CDH18: variants seen among roughly 807,000 people sequenced by gnomAD.
The protein encoded by CDH18 is cadherin 18.
A neutral mutation model predicts 67.9 loss-of-function variants in CDH18; 31 were observed. The observed-to-expected ratio is 0.46, with a 90% CI of 0.34 to 0.62. The LOEUF (loss-of-function observed/expected upper bound fraction) is 0.62, where lower values mean the gene tolerates loss of function less well. Among genes scored for constraint, CDH18 ranks in the 20% least tolerant of loss-of-function variants. The pLI, the probability that CDH18 is intolerant of heterozygous loss-of-function variation, is 0.01. For missense variants in CDH18, 890 were observed against 975.5 expected, an observed-to-expected ratio of 0.91 and a Z score of 1.17; for synonymous variants, 362 against 347.2, an observed-to-expected ratio of 1.04 and a Z score of -0.48.
intron 1 of CDH18, among the ~76,000 whole-genome samples, chr5:20,405,313 C>G (rs1003822275): frequency 2.6e-5 from 4 of 152,092 alleles, no homozygotes; most frequent in African/African-American, 7.2e-5. Flanking sequence ...CTTTGACAAA[C>G]CTGACAAAAA....
chr5:20,457,847 T>A (rs1750952812), intron 1 of CDH18, among the ~76,000 whole-genome samples: 1 of 152,088 alleles, frequency 6.6e-6, no homozygotes. Flanking sequence ...CATTACCTAG[T>A]ACAGTGGCAG....
chr5:20,020,771 T>C (rs1738345018), intron 2 of CDH18, among the ~76,000 whole-genome samples: 1 of 152,116 alleles, frequency 6.6e-6, no homozygotes, highest in African/African-American at 2.4e-5. Flanking sequence ...GGAGAATCTC[T>C]ACTAGGGCTG....
intron 5 of CDH18, among the ~76,000 whole-genome samples, chr5:19,654,817 T>C (rs1756103313): frequency 6.6e-6 from 1 of 152,064 alleles, no homozygotes; most frequent in Non-Finnish European, 1.5e-5. Context: ...GGAAAGGAGA[T>C]GGACTAGGAA....
At chr5:20,044,042 C>T (rs912039716) in intron 2 of CDH18, among the ~76,000 whole-genome samples, 1 of 152,132 alleles carries the variant, frequency 6.6e-6, no homozygotes, top group Non-Finnish European at 1.5e-5. Flanking sequence ...CAAACAGACT[C>T]ATTTCCTGTA....
chr5:19,917,743 G>A (rs1472094698), intron 2 of CDH18, among the ~76,000 whole-genome samples: 1 of 152,148 alleles, frequency 6.6e-6, no homozygotes, highest in Non-Finnish European at 1.5e-5. Context: ...ATTATTTATT[G>A]TCACACTTCC....
chr5:20,106,490 CT>C (rs1746947439), intron 2 of CDH18, among the ~76,000 whole-genome samples: 1 of 152,118 alleles, frequency 6.6e-6, no homozygotes, highest in Non-Finnish European at 1.5e-5. Flanking sequence ...CAAATGACAC[CT>C]TAAAATTTTC....
At chr5:20,345,467 T>C (rs1338823815) in intron 1 of CDH18, among the ~76,000 whole-genome samples, 1 of 152,174 alleles carries the variant, frequency 6.6e-6, no homozygotes, top group Non-Finnish European at 1.5e-5. Flanking sequence ...GATTAGCCTA[T>C]TTTGCTTTTT....
intron 2 of CDH18, among the ~76,000 whole-genome samples, chr5:20,095,424 AAAGAAAGAAAG>A (rs1330352546): frequency 6.9e-6 from 1 of 144,948 alleles, no homozygotes; most frequent in African/African-American, 2.6e-5. Flanking sequence ...AGAAAGAAAG[AAAGAAAGAAAG>A]AAAGAAAGAA....
chr5:19,832,137 A>T (rs1021269058), intron 3 of CDH18, among the ~76,000 whole-genome samples: 3 of 152,024 alleles, frequency 2.0e-5, no homozygotes, highest in Non-Finnish European at 4.4e-5. Flanking sequence ...AGGGTTGAAA[A>T]ACTACCTATT....
At chr5:19,556,650 C>T (rs1738489701) in intron 8 of CDH18, among the ~76,000 whole-genome samples, 1 of 151,900 alleles carries the variant, frequency 6.6e-6, no homozygotes, top group African/African-American at 2.4e-5. Flanking sequence ...AACATAAAAA[C>T]AATTGGTGCT....
chr5:19,590,967 G>T, intron 7 of CDH18, 90 bp downstream of exon 7: 1 of 667,468 alleles, frequency 1.5e-6, no homozygotes, highest in Non-Finnish European at 2.6e-6. Flanking sequence ...TTAATGGCCT[G>T]ACAGCGTGGA....
chr5:19,621,011 T>A (rs1750602856), intron 5 of CDH18, among the ~76,000 whole-genome samples: 1 of 152,082 alleles, frequency 6.6e-6, no homozygotes, highest in Admixed American at 6.6e-5. Context: ...TGAACTATCA[T>A]GGGTAAGAGA....
rs116337777 is a variant in CDH18, at chr5:19,656,675, T to C, written c.644-44074A>G. On this transcript the variant is annotated intron_variant, in intron 5 of 12. Transcript: ENST00000382275. ...AGAAAAATAGAAACTGATGACATATTGTAAAAACCACTAGGTTTCTGTTGA... is the reference window on the plus strand; with the variant it reads ...AGAAAAATAGAAACTGATGACATATCGTAAAAACCACTAGGTTTCTGTTGA... Among the ~76,000 whole-genome samples, 590 of 152,232 alleles carry C rather than the reference T, an allele frequency of 3.9e-3. 2 individuals carry two copies. The highest frequency in any genetic ancestry group is 0.014 in the African/African-American group (572 of 41,566).
In CDH18 at chr5:19,994,847, T is replaced by TAC. The variant is rs1270960698; in HGVS notation, c.-517-2834_-517-2833insGT. On this transcript the variant is annotated intron_variant, in intron 2 of 14. Coordinates refer to the CDH18 transcript ENST00000507958. ...TAAAGAGAATATATATATATATATA[T>TAC]ATATATATAGAGAGAGAGAGAGAGA... Among the ~76,000 whole-genome samples, 8 of 32,158 alleles carry TAC rather than the reference T, an allele frequency of 2.5e-4. 1 individual carries two copies. The highest frequency in any genetic ancestry group is 3.1e-4 in the Non-Finnish European group (6 of 19,252). 21.1% of individuals were successfully genotyped at this position (32,158 alleles called of 152,430 possible).
chr5:20,099,824 C>T (rs1746303074), intron 2 of CDH18, among the ~76,000 whole-genome samples: 3 of 152,100 alleles, frequency 2.0e-5, no homozygotes, highest in African/African-American at 7.2e-5. Flanking sequence ...CACTCTGTCA[C>T]CCAGGCTGGA....
At chr5:20,547,241 G>T (rs575778937) in intron 1 of CDH18, among the ~76,000 whole-genome samples, 3 of 152,168 alleles carry the variant, frequency 2.0e-5, no homozygotes, top group African/African-American at 4.8e-5. Context: ...CTAGAATGTT[G>T]AAAATAAAAC....
intron 3 of CDH18, among the ~76,000 whole-genome samples, chr5:19,821,346 G>T (rs1401388124): frequency 2.0e-5 from 3 of 146,564 alleles, no homozygotes; most frequent in African/African-American, 7.6e-5. Flanking sequence ...GCTTAGAAAA[G>T]AATTTTTGAG....
chr5:19,545,711 A>T (rs1580127742), intron 8 of CDH18, among the ~76,000 whole-genome samples: 1 of 152,282 alleles, frequency 6.6e-6, no homozygotes, highest in East Asian at 1.9e-4. Context: ...TGAGGTGGAT[A>T]AAAAGAGCTG....
intron 1 of CDH18, among the ~76,000 whole-genome samples, chr5:20,291,297 C>G (rs1747086067): frequency 6.6e-6 from 1 of 151,972 alleles, no homozygotes; most frequent in Non-Finnish European, 1.5e-5. Context: ...GATGTTAACT[C>G]TCAGAGAAAT....
Sources: gnomAD v4.1 joint callset for allele counts (sites outside exome capture counted in the v4.1 genomes callset) on GRCh38, gnomAD v4.1.1 for gene constraint, MANE v1.5 for transcripts, NCBI Gene and HGNC (gene_info 2026-07-23, HGNC 2026-07-21) for gene names.